The following IL20RA variants were observed in gnomAD, a reference collection of about 807,000 sequenced individuals.
IL20RA encodes interleukin-20 receptor subunit alpha.
In IL20RA, 29 loss-of-function variants were observed where a neutral mutation model predicts 36.5. That is an observed-to-expected ratio of 0.79 (90% CI 0.59 to 1.08). The LOEUF (loss-of-function observed/expected upper bound fraction) is 1.08. Ranked by LOEUF, IL20RA falls within the 50% of genes least tolerant of loss-of-function variation. The pLI, the probability that IL20RA is intolerant of heterozygous loss-of-function variation, is 0.00. For missense variants in IL20RA, 652 were observed against 668.4 expected, an observed-to-expected ratio of 0.98 and a Z score of 0.27; for synonymous variants, 279 against 267.1, an observed-to-expected ratio of 1.04 and a Z score of -0.43.
rs780099085 is a variant in IL20RA at position 137,038,205 on chromosome 6, C to CTTTTTTTTTTTTTTTTTTTTTT, written c.88+6414_88+6435dup. 9.8e-5 allele frequency: 7 copies of CTTTTTTTTTTTTTTTTTTTTTT among 71,420 alleles called. 1 individual carries two copies. The highest frequency in any genetic ancestry group is 1.3e-4 in the Non-Finnish European group (5 of 39,916). The allele number at this position is 71,420 out of a possible 1,614,324, so 4.4% of individuals were successfully genotyped here. A position where few individuals can be genotyped will look rare whatever the true frequency, so the allele number is the denominator to read the frequency against. ...TTCTTTCTATAGTTCTTTTGTTCTC[C>CTTTTTTTTTTTTTTTTTTTTTT]TTTTTTTTTTTTTTTTTTTTTTTTT... On this transcript the variant is annotated intron_variant, in intron 1 of 6. Transcript: ENST00000316649.
At chr6:137,033,939 G>A (rs1776384563) in intron 1 of IL20RA, among the ~76,000 whole-genome samples, 1 of 152,180 alleles carries the variant, frequency 6.6e-6, no homozygotes, top group African/African-American at 2.4e-5. Flanking sequence ...TTGGATACTG[G>A]ACCAGGCAAG....
intron 3 of IL20RA, 88 bp from the exon 4 acceptor site, chr6:137,009,580 C>A: frequency 1.4e-6 from 1 of 698,858 alleles, no homozygotes; most frequent in South Asian, 1.8e-5. Context: ...TGGATCAAGG[C>A]CCTAAAAGAC....
chr6:137,002,065 T>C lies in IL20RA; in HGVS notation c.1155A>G (p.Gln385=), dbSNP rs1308847513. The C allele has an allele frequency of 6.2e-7, 1 of 1,614,222 alleles. No homozygotes were observed. Among genetic ancestry groups the C allele is most frequent in the Non-Finnish European group, 8.5e-7 (1 of 1,180,036 alleles). Residue 385 remains glutamine (Q), a synonymous_variant, in exon 7 of 7, where the codon CAA becomes CAG. Coordinates refer to ENST00000316649, the MANE Select transcript of IL20RA (RefSeq NM_014432.4). The part of the protein sequence containing the change: ...ENTEGTSLTQ[Q]ESLSRTIPPD... The stretch of plus-strand genomic sequence containing the variant: ...GGGGTATTGTTCTGCTGAGGGACTC[T>C]TGCTGGGTGAGAGAAGTACCTTCCG...
intron 1 of IL20RA, among the ~76,000 whole-genome samples, chr6:137,018,658 G>A (rs1420534841): frequency 6.6e-6 from 1 of 151,994 alleles, no homozygotes; most frequent in Non-Finnish European, 1.5e-5. Context: ...GTATTTTCTG[G>A]AGATTACATA....
Position 137,009,464 on chromosome 6 carries a change from C to A in IL20RA, c.432G>T (p.Leu144=). Residue 144 remains leucine, a synonymous_variant, in exon 4 of 7, where the codon CTG becomes CTT. Transcript: ENST00000316649. ...CAGAAATGGACTTCTCATCTGTAGT[C>A]AGTGCCACCTCTGGTGGGCCAATTT... ...ETQIGPPEVA[L]TTDEKSISVV... is the part of the protein sequence containing the mutation. 1.9e-6 allele frequency: 3 copies of A among 1,612,988 alleles called. No homozygotes were observed. Among genetic ancestry groups the A allele is most frequent in the Non-Finnish European group, 1.7e-6 (2 of 1,179,044 alleles).
rs1406938429 is a variant in IL20RA, at chr6:137,001,773, C to A, written c.1447G>T (p.Asp483Tyr). The A allele has an allele frequency of 3.1e-6, 5 of 1,612,044 alleles. No homozygotes were observed. Among genetic ancestry groups the A allele is most frequent in the African/African-American group, 1.3e-5 (1 of 74,890 alleles). The change falls in exon 7 of 7, where the codon GAT becomes TAT. Residue 483 changes from aspartate to tyrosine, a missense_variant. Physicochemically the swap from Asp to Tyr is radical, Grantham distance 160 (BLOSUM62 -3). Coordinates refer to ENST00000316649, the MANE Select transcript of IL20RA (RefSeq NM_014432.4). ...ATACACAGCCTGCCAGTTTGGGGAT[C>A]CCAGTCGACCAGGGTCGTCGATGGC... ...EEPSTTLVDW[D>Y]PQTGRLCIPS...
Position 137,004,174 on chromosome 6 carries a change from T to TGTTTTTTTTTTG in IL20RA, c.864+446_864+447insCAAAAAAAAAAC, listed in dbSNP as rs548602821. Among the ~76,000 whole-genome samples, 8 of 124,492 alleles carry TGTTTTTTTTTTG rather than the reference T, an allele frequency of 6.4e-5. 1 individual carries two copies. Among genetic ancestry groups the TGTTTTTTTTTTG allele is most frequent in the South Asian group, 5.6e-4 (2 of 3,548 alleles). The allele number at this position is 124,492 out of a possible 152,430, so 81.7% of individuals were successfully genotyped here. The stretch of plus-strand genomic sequence containing the variant: ...ATCCAGAAAGCTTTTTTTTTTTTTT[T>TGTTTTTTTTTTG]TTTTTTTTTTTGAGACAGAGCCTCA... On this transcript the variant is annotated intron_variant, in intron 6 of 6. Coordinates refer to ENST00000316649, the MANE Select transcript of IL20RA (RefSeq NM_014432.4).
chr6:137,023,911 T>A (rs276483), intron 1 of IL20RA, among the ~76,000 whole-genome samples: 1 of 151,926 alleles, frequency 6.6e-6, no homozygotes, highest in South Asian at 2.1e-4. Flanking sequence ...CTGGCCAACA[T>A]GGTGAAACAC....
intron 2 of IL20RA, among the ~76,000 whole-genome samples, chr6:137,013,969 CTT>C (rs1200853797): frequency 6.6e-6 from 1 of 152,202 alleles, no homozygotes; most frequent in Admixed American, 6.5e-5. Flanking sequence ...AGTGATGACT[CTT>C]GTCTATTTTT....
intron 1 of IL20RA, among the ~76,000 whole-genome samples, chr6:137,039,125 TC>T (rs1454701949): frequency 6.6e-6 from 1 of 152,232 alleles, no homozygotes; most frequent in East Asian, 1.9e-4. Flanking sequence ...AGGTGGTGCT[TC>T]CTCCTCAGCC....
At chr6:137,031,797 G>A (rs1462034372) in intron 1 of IL20RA, among the ~76,000 whole-genome samples, 1 of 151,968 alleles carries the variant, frequency 6.6e-6, no homozygotes, top group South Asian at 2.1e-4. Context: ...GCTCATGCCT[G>A]TAGTTACAGC....
intron 1 of IL20RA, among the ~76,000 whole-genome samples, chr6:137,026,968 G>T (rs1776109698): frequency 6.6e-6 from 1 of 151,652 alleles, no homozygotes; most frequent in Non-Finnish European, 1.5e-5. Flanking sequence ...TGCAACCTCC[G>T]CCTCCCAGGC....
intron 1 of IL20RA, among the ~76,000 whole-genome samples, chr6:137,019,660 A>G (rs996152760): frequency 6.6e-6 from 1 of 152,238 alleles, no homozygotes; most frequent in African/African-American, 2.4e-5. Flanking sequence ...TTCAGTAGAC[A>G]GTTTGATTAA....
intron 2 of IL20RA, among the ~76,000 whole-genome samples, 154 bp from the exon 3 acceptor site, chr6:137,011,606 G>A (rs1393757424): frequency 2.0e-5 from 3 of 152,176 alleles, no homozygotes; most frequent in Non-Finnish European, 4.4e-5. Context: ...CCACTTTTGC[G>A]GTGGGCAATT....
At chr6:137,037,769 G>A (rs1776539794) in intron 1 of IL20RA, among the ~76,000 whole-genome samples, 1 of 152,172 alleles carries the variant, frequency 6.6e-6, no homozygotes, top group African/African-American at 2.4e-5. Flanking sequence ...AGTTTTCTGG[G>A]GAGGTGGTTT....
chr6:137,002,469 C>T, intron 6 of IL20RA, 114 bp from the exon 7 acceptor site: 1 of 682,526 alleles, frequency 1.5e-6, no homozygotes, highest in Non-Finnish European at 2.4e-6. Context: ...CTCTTACCAA[C>T]TCATGTAAAT....
chr6:137,020,515 C>T (rs976250271), intron 1 of IL20RA, among the ~76,000 whole-genome samples: 5 of 150,520 alleles, frequency 3.3e-5, no homozygotes, highest in Admixed American at 2.0e-4. Flanking sequence ...CCCTCCATTC[C>T]CAATAATTTA....
chr6:137,015,209 C>A (rs1287614288), intron 2 of IL20RA, among the ~76,000 whole-genome samples: 1 of 152,126 alleles, frequency 6.6e-6, no homozygotes, highest in Non-Finnish European at 1.5e-5. Context: ...ATACACAGTT[C>A]CAAACAGTTT....
chr6:137,028,550 C>T (rs1043446487), intron 1 of IL20RA, among the ~76,000 whole-genome samples: 1 of 152,032 alleles, frequency 6.6e-6, no homozygotes, highest in African/African-American at 2.4e-5. Flanking sequence ...ATGAGCAATA[C>T]ATAAGTCATA....
Sources: gnomAD v4.1 joint callset for allele counts (sites outside exome capture counted in the v4.1 genomes callset) on GRCh38, gnomAD v4.1.1 for gene constraint, MANE v1.5 for transcripts, NCBI Gene and HGNC (gene_info 2026-07-23, HGNC 2026-07-21) for gene names.